The following TRPV1 variants were observed in gnomAD, a reference collection of about 807,000 sequenced individuals.
The protein encoded by TRPV1 is OTRPC1.
TRPV1 carries 82 observed loss-of-function variants against 82.3 expected under a neutral mutation model. The ratio of observed to expected loss-of-function variants is 1.00; its 90% CI spans 0.83 to 1.20. The LOEUF is 1.20. Among genes scored for constraint, TRPV1 ranks in the 50% most tolerant of loss-of-function variants. The pLI is 0.00. For synonymous variants in TRPV1, 515 were observed against 467.7 expected (o/e 1.10, Z -1.30); for missense variants, 1,067 against 1,096.8 (o/e 0.97, Z 0.38).
chr17:3,576,448 C>T (rs529556226), intron 13 of TRPV1, among the ~76,000 whole-genome samples: 43 of 151,278 alleles, frequency 2.8e-4, no homozygotes, highest in African/African-American at 9.0e-4. Context: ...GTCAGGAGAT[C>T]GAGACCATCC....
chr17:3,603,033 A>C (rs2075275253), intron 2 of TRPV1, among the ~76,000 whole-genome samples: 1 of 152,154 alleles, frequency 6.6e-6, no homozygotes, highest in Non-Finnish European at 1.5e-5. Flanking sequence ...AGGCAGGAGA[A>C]TCACTTGAAC....
chr17:3,591,137 T>C, intron 4 of TRPV1, 21 bp from the exon 5 acceptor site: 1 of 1,610,562 alleles, frequency 6.2e-7, no homozygotes. Context: ...TAAGGGAGGG[T>C]CAGGGCAGGC....
chr17:3,585,594 G>A lies in TRPV1; in HGVS notation c.1383+174C>T. The A allele has an allele frequency of 4.0e-6, 3 of 748,882 alleles. No homozygotes were observed. In the East Asian group the frequency reaches 8.2e-5, roughly 21 times the overall value. The allele number at this position is 748,882 out of a possible 1,614,324, so 46.4% of individuals were successfully genotyped here. A position where few individuals can be genotyped will look rare whatever the true frequency, so the allele number is the denominator to read the frequency against. ...GGTCTCCTGTACAGCCTGAGGCAGG[G>A]GAGATGGGCGCAGGGATACGAGGTT... On this transcript the variant is annotated intron_variant, in intron 9 of 16. Transcript: ENST00000572705.
At chr17:3,602,920 G>A (rs571407060) in intron 2 of TRPV1, among the ~76,000 whole-genome samples, 6 of 152,210 alleles carry the variant, frequency 3.9e-5, no homozygotes, top group East Asian at 1.9e-4. Flanking sequence ...TCGGGAGTTC[G>A]AGACCAGCCT....
intron 2 of TRPV1, chr17:3,596,839 G>A (rs188123283): frequency 6.6e-6 from 1 of 152,418 alleles, no homozygotes; most frequent in East Asian, 1.9e-4. Context: ...GAAGTGACAG[G>A]GCCCGGCTTT....
chr17:3,592,030 C>A, intron 3 of TRPV1, 37 bp downstream of exon 3: 1 of 1,593,906 alleles, frequency 6.3e-7, no homozygotes, highest in Non-Finnish European at 8.5e-7. Context: ...GCCAGCTGGG[C>A]TCCCAGCAGG....
chr17:3,582,723 T>C (rs1306462167), intron 10 of TRPV1, among the ~76,000 whole-genome samples: 15 of 151,956 alleles, frequency 9.9e-5, no homozygotes, highest in African/African-American at 2.7e-4. Context: ...TTTGGGAGGC[T>C]GAGGCAGGTG....
intron 10 of TRPV1, among the ~76,000 whole-genome samples, chr17:3,581,151 C>T (rs543136728): frequency 1.2e-3 from 166 of 139,668 alleles, no homozygotes; most frequent in East Asian, 9.7e-3. Flanking sequence ...GAGCTTTTTC[C>T]TAATTTTTTT....
chr17:3,588,405 CCAGGCTCAGCCT>C (rs1420732204), intron 7 of TRPV1, 38 bp from the exon 8 acceptor site: 24 of 1,544,058 alleles, frequency 1.6e-5, no homozygotes, highest in Non-Finnish European at 2.0e-5. Flanking sequence ...GAGGCCAGCC[CCAGGCTCAGCCT>C]CAGACAGTAC....
At chr17:3,587,507 T>C (rs2075099214) in intron 8 of TRPV1, among the ~76,000 whole-genome samples, 1 of 152,184 alleles carries the variant, frequency 6.6e-6, no homozygotes, top group African/African-American at 2.4e-5. Context: ...GTAAGATGCC[T>C]ACTTCACACC....
chr17:3,604,634 AAAG>A (rs919114259), intron 2 of TRPV1, among the ~76,000 whole-genome samples: 17 of 152,144 alleles, frequency 1.1e-4, no homozygotes, highest in East Asian at 5.8e-4. Flanking sequence ...AAAAAGAAAA[AAAG>A]AAGAAGAAGA....
Position 3,592,163 on chromosome 17 carries a change from C to T in TRPV1, c.188G>A (p.Cys63Tyr). 6.2e-7 allele frequency: 1 copy of T among 1,613,760 alleles called. No homozygotes were observed. Among genetic ancestry groups the T allele is most frequent in the Non-Finnish European group, 8.5e-7 (1 of 1,179,798 alleles). ...GTCCAGCTCACCTTCCTCGTGAGGG[C>T]AATCCACCGGGAAAGCCTCCTCCGA... ...GDSEEAFPVDCPHEEGELDSC... is the reference protein window; with the variant it reads ...GDSEEAFPVDYPHEEGELDSC... The change falls in exon 3 of 17, where the codon TGC (cysteine) becomes TAC (tyrosine). Residue 63 changes from cysteine to tyrosine, a missense_variant. Coordinates refer to ENST00000572705, the MANE Select transcript of TRPV1 (RefSeq NM_080704.4).
At chr17:3,602,855 C>A (rs1052870154) in intron 2 of TRPV1, among the ~76,000 whole-genome samples, 96 of 152,260 alleles carry the variant, frequency 6.3e-4, no homozygotes, top group Non-Finnish European at 2.5e-4. Context: ...GCCTCAGTGG[C>A]TCACGCCCGT....
intron 13 of TRPV1, among the ~76,000 whole-genome samples, chr17:3,576,668 A>AAAAAAATATAT: frequency 1.6e-4 from 6 of 38,394 alleles, no homozygotes; most frequent in Non-Finnish European, 2.1e-4. Context: ...AAAAAAAAAA[A>AAAAAAATATAT]ATATATATAT....
intron 14 of TRPV1, 132 bp from the exon 15 acceptor site, chr17:3,572,381 C>T: frequency 8.9e-7 from 1 of 1,125,288 alleles, no homozygotes; most frequent in Non-Finnish European, 1.2e-6. Flanking sequence ...GTCCAGTGCC[C>T]TCCACGCTAG....
At chr17:3,573,538 A>ACC in intron 14 of TRPV1, 95 bp downstream of exon 14, 1 of 248,458 alleles carries the variant, frequency 4.0e-6, no homozygotes, top group Admixed American at 5.1e-5. Context: ...CACCGCCCCC[A>ACC]CCACCCACCC....
In TRPV1 at chr17:3,577,564, TCTGAGGAGACCCA is replaced by T. The variant is rs774371516; in HGVS notation, c.1713+21_1713+33del. The T allele has an allele frequency of 6.4e-6, 10 of 1,557,626 alleles. No homozygotes were observed. In the African/African-American group the frequency reaches 1.4e-4, roughly 21 times the overall value. ...TCACATGACCACGAGGTAAGCGGGC[TCTGAGGAGACCCA>T]CTGGGGCCCAGGGAACCCACCTTCT... On this transcript the variant is annotated intron_variant, in intron 12 of 16. Transcript: ENST00000572705.
intron 15 of TRPV1, 117 bp from the exon 16 acceptor site, chr17:3,571,756 G>A (rs62069884): frequency 1.4e-5 from 11 of 779,242 alleles, no homozygotes; most frequent in Admixed American, 4.9e-5. Flanking sequence ...GTGGTGGGTC[G>A]GGGAGGGCAG....
intron 3 of TRPV1, among the ~76,000 whole-genome samples, chr17:3,591,764 A>C (rs1197106486): frequency 1.3e-5 from 2 of 152,138 alleles, no homozygotes; most frequent in Non-Finnish European, 2.9e-5. Flanking sequence ...CCTGCCTTGC[A>C]GCTCACTGGA....
Sources: allele counts gnomAD v4.1 joint callset (sites outside exome capture counted in the v4.1 genomes callset), GRCh38; gene constraint gnomAD v4.1.1; transcripts MANE v1.5; gene names NCBI Gene and HGNC (gene_info 2026-07-23, HGNC 2026-07-21).